Variants in KLHL33 observed in about 807,000 individuals in gnomAD.
The protein encoded by KLHL33 is kelch like family member 33, also known as kelch-like protein 33.
A neutral mutation model predicts 60.8 loss-of-function variants in KLHL33; 46 were observed. That is an observed-to-expected ratio of 0.76 (90% CI 0.60 to 0.97). The LOEUF (loss-of-function observed/expected upper bound fraction) is 0.97, where lower values mean the gene tolerates loss of function less well. Ranked by LOEUF, KLHL33 falls within the 50% of genes least tolerant of loss-of-function variation. KLHL33 has a pLI of 0.00. For synonymous variants in KLHL33, 434 were observed against 432.2 expected, an observed-to-expected ratio of 1.00 and a Z score of -0.05; for missense variants, 1,055 against 1,000.0, an observed-to-expected ratio of 1.05 and a Z score of -0.74.
chr14:20,428,873 T>TG lies in KLHL33; in HGVS notation c.2369dup (p.His791ThrfsTer23). ...TTCACCCAGCAGGTTTGGTTTGGTG[T>TG]GGGGTGGGAACCAAAGCTATGTGCT... On this transcript the variant is annotated frameshift_variant, in exon 5 of 5. Coordinates refer to ENST00000636854, the MANE Select transcript of KLHL33 (RefSeq NM_001365790.2). LOFTEE classifies it high-confidence loss of function. 6 of 1,551,284 alleles carry TG rather than the reference T, an allele frequency of 3.9e-6. No individual in the cohort carries two copies. Among genetic ancestry groups the TG allele is most frequent in the Non-Finnish European group, 5.2e-6 (6 of 1,146,680 alleles).
chr14:20,429,701 G>C (rs748931606), intron 3 of KLHL33, 32 bp from the exon 4 acceptor site: 1 of 1,544,458 alleles, frequency 6.5e-7, no homozygotes, highest in Non-Finnish European at 8.7e-7. Flanking sequence ...ATTGGAAGAG[G>C]GACTCTGGGC....
In KLHL33 at chr14:20,429,369, G is replaced by T. The variant is rs986934296; in HGVS notation, c.1874C>A (p.Ala625Asp). 5.2e-6 allele frequency: 8 copies of T among 1,551,718 alleles called. No homozygotes were observed. Among genetic ancestry groups the T allele is most frequent in the Non-Finnish European group, 7.0e-6 (8 of 1,147,006 alleles). The change falls in exon 5 of 5, where the codon GCC (alanine) becomes GAC (aspartate). Residue 625 changes from alanine to aspartate, a missense_variant. Physicochemically the swap from Ala to Asp is moderately radical, Grantham distance 126. Transcript: ENST00000636854. ...GCCCTCCAAAATCGCAGCTGCGTGG[G>T]CAAAACATGGTGCTGGAAGTGCAGG... ...PAPALPAPCF[A>D]HAAAILEGQL...
chr14:20,429,742 T>C (rs2139265285), intron 3 of KLHL33, 53 bp downstream of exon 3: 1 of 1,526,376 alleles, frequency 6.6e-7, no homozygotes, highest in East Asian at 2.5e-5. Context: ...GCAATTTCTC[T>C]CCCTGCCCAC....
In KLHL33 at chr14:20,426,560, A is replaced by AG. The variant is rs1880278449; in HGVS notation, c.*2288dup. On this transcript the variant is annotated 3_prime_UTR_variant, in exon 5 of 5. Coordinates refer to ENST00000636854, the MANE Select transcript of KLHL33 (RefSeq NM_001365790.2). Reference sequence around the variant, plus strand: ...GGTGCTGGAGAGGATGTGGAGAAATAGGAACACTTTTACACTGTTGGTGGG... The same window carrying AG: ...GGTGCTGGAGAGGATGTGGAGAAATAGGGAACACTTTTACACTGTTGGTGGG... 1 of 151,662 alleles carries AG rather than the reference A, an allele frequency of 6.6e-6. No homozygotes were observed. The highest frequency in any genetic ancestry group is 2.4e-5 in the African/African-American group (1 of 41,274). The allele number at this position is 151,662 out of a possible 1,614,324, so 9.4% of individuals were successfully genotyped here. A position where few individuals can be genotyped will look rare whatever the true frequency, so the allele number is the denominator to read the frequency against.
chr14:20,435,772 C>G lies in KLHL33; in HGVS notation c.40G>C (p.Glu14Gln). 3 of 1,234,460 alleles carry G rather than the reference C, an allele frequency of 2.4e-6. No homozygotes were observed. The highest frequency in any genetic ancestry group is 3.0e-6 in the Non-Finnish European group (3 of 988,268). The allele number at this position is 1,234,460 out of a possible 1,614,324, so 76.5% of individuals were successfully genotyped here. Residue 14 changes from glutamate to glutamine, a missense_variant, in exon 2 of 5, where the codon GAG (glutamate) becomes CAG (glutamine). Physicochemically the swap from Glu to Gln is conservative, Grantham distance 29 (BLOSUM62 2). Transcript: ENST00000636854. ...CTCTGGACGGGATGAGAGACACTCT[C>G]CAGCTCAGGGGGATAATGTGGGGTG... ...SDTPHYPPEL[E>Q]SVSHPVQRDC...
At chr14:20,430,825 T>TCTAAGTTTGGCCCC in intron 2 of KLHL33, 106 bp from the exon 3 acceptor site, 1 of 634,616 alleles carries the variant, frequency 1.6e-6, no homozygotes, top group Non-Finnish European at 2.5e-6. Flanking sequence ...AGTTTGGCCC[T>TCTAAGTTTGGCCCC]CCAAGCCACC....
chr14:20,429,520 G>GGTTGTA lies in KLHL33; in HGVS notation c.1822_1823insTACAAC (p.Asn607_Pro608insLeuGln). On this transcript the variant is annotated inframe_insertion, in exon 4 of 5. Coordinates refer to ENST00000636854, the MANE Select transcript of KLHL33 (RefSeq NM_001365790.2). Reference sequence around the variant, plus strand: ...TGCTTACCTCCAGACATTGAGCTCAGGGTTGTAGGTCTCCACAGAGTCCAG... The same window carrying GGTTGTA: ...TGCTTACCTCCAGACATTGAGCTCAGGTTGTAGGTTGTAGGTCTCCACAGAGTCCAG... The GGTTGTA allele has an allele frequency of 6.4e-7, 1 of 1,552,248 alleles. No homozygotes were observed. Among genetic ancestry groups the GGTTGTA allele is most frequent in the Non-Finnish European group, 8.7e-7 (1 of 1,147,124 alleles).
chr14:20,432,926 A>AAAAGAAGAAAGAAAGAAAGAAAG (rs1555330503), intron 2 of KLHL33, among the ~76,000 whole-genome samples: 4 of 104,672 alleles, frequency 3.8e-5, no homozygotes, highest in Admixed American at 1.2e-4. Context: ...CATCTCAAAA[A>AAAAGAAGAAAGAAAGAAAGAAAG]AAAGAAAGAA....
intron 3 of KLHL33, 54 bp from the exon 4 acceptor site, chr14:20,429,723 GC>G: frequency 6.5e-7 from 1 of 1,532,564 alleles, no homozygotes; most frequent in South Asian, 1.2e-5. Context: ...TCCGTGGTTG[GC>G]TAGGCCAGCA....
Position 20,430,482 on chromosome 14 carries a change from C to G in KLHL33, c.986G>C (p.Gly329Ala). The G allele has an allele frequency of 1.9e-6, 3 of 1,550,872 alleles. No homozygotes were observed. Among genetic ancestry groups the G allele is most frequent in the Non-Finnish European group, 8.7e-7 (1 of 1,147,018 alleles). The change falls in exon 3 of 5, where the codon GGC (glycine) becomes GCC (alanine). Residue 329 changes from glycine (G) to alanine (A), a missense_variant. By Grantham distance (60) the Gly-to-Ala change is moderately conservative. Transcript: ENST00000636854. ...SSSCLDLCQK[G>A]LARGLSPARC... Reference sequence around the variant, plus strand: ...GGCAGGGCTGAGGCCCCGTGCCAAGCCTTTCTGACACAAATCCAAGCAGGA... The same window carrying G: ...GGCAGGGCTGAGGCCCCGTGCCAAGGCTTTCTGACACAAATCCAAGCAGGA...
At chr14:20,429,449 TCC>T in intron 4 of KLHL33, 48 bp from the exon 5 acceptor site, 1 of 1,549,898 alleles carries the variant, frequency 6.5e-7, no homozygotes, top group South Asian at 1.2e-5. Context: ...TCTTCAACTC[TCC>T]TTCTATTCCA....
At chr14:20,432,326 TA>T (rs1425156558) in intron 2 of KLHL33, among the ~76,000 whole-genome samples, 1 of 152,054 alleles carries the variant, frequency 6.6e-6, no homozygotes, top group East Asian at 1.9e-4. Flanking sequence ...TTGGACAGGC[TA>T]ACCTTGAACT....
chr14:20,430,756 G>A, intron 2 of KLHL33, 37 bp from the exon 3 acceptor site: 1 of 1,423,838 alleles, frequency 7.0e-7, no homozygotes, highest in Non-Finnish European at 9.3e-7. Context: ...AGGACTCAAA[G>A]TATTGCAAGA....
rs974517610 is a variant in KLHL33, at chr14:20,429,347, C to T, written c.1896G>A (p.Glu632=). 2 of 1,551,630 alleles carry T rather than the reference C, an allele frequency of 1.3e-6. No individual in the cohort carries two copies. The highest frequency in any genetic ancestry group is 2.7e-5 in the African/African-American group (2 of 73,044). The change falls in exon 5 of 5, where the codon GAG becomes GAA. Residue 632 remains glutamate (E), a synonymous_variant. Coordinates refer to ENST00000636854, the MANE Select transcript of KLHL33 (RefSeq NM_001365790.2). The part of the protein sequence containing the change: ...PCFAHAAAIL[E]GQLYVSGGCG... ...AGCCACCGCTCACGTACAACTGGCC[C>T]TCCAAAATCGCAGCTGCGTGGGCAA...
In KLHL33 at chr14:20,435,498, C is replaced by T. The variant is rs985269743; in HGVS notation, c.314G>A (p.Arg105Gln). The part of the protein sequence containing the change: ...HPSQFFAEAQ[R>Q]LREQRLLLDE... ...CAGCAACAGTCTCTGCTCCCGCAGC[C>T]GCTGGGCCTCGGCGAAAAACTGGCT... is the stretch of plus-strand genomic sequence containing the variant. The change falls in exon 2 of 5, where the codon CGG (arginine) becomes CAG (glutamine). Residue 105 changes from arginine to glutamine, a missense_variant. Arg to Gln is a conservative substitution (Grantham distance 43, BLOSUM62 1). Transcript: ENST00000636854. 2 of 1,234,668 alleles carry T rather than the reference C, an allele frequency of 1.6e-6. No individual in the cohort carries two copies. 76.5% of individuals were successfully genotyped at this position (1,234,668 alleles called of 1,614,324 possible). A position where few individuals can be genotyped will look rare whatever the true frequency, so the allele number is the denominator to read the frequency against.
chr14:20,430,807 AAACTCTAAG>A, intron 2 of KLHL33, 88 bp from the exon 3 acceptor site: 1 of 811,190 alleles, frequency 1.2e-6, no homozygotes, highest in Non-Finnish European at 1.7e-6. Flanking sequence ...AAGTTTGGCC[AAACTCTAAG>A]TTTGGCCCTC....
chr14:20,426,618 G>A lies in KLHL33; in HGVS notation c.*2231C>T, dbSNP rs1184707559. The stretch of plus-strand genomic sequence containing the variant: ...ACTAGTTCAACCATTGTGGAAGTCA[G>A]TGTGGCGATTCCTCAGGGACCTAGA... On this transcript the variant is annotated 3_prime_UTR_variant, in exon 5 of 5. Coordinates refer to ENST00000636854, the MANE Select transcript of KLHL33 (RefSeq NM_001365790.2). The A allele has an allele frequency of 1.3e-5, 2 of 152,110 alleles. No individual in the cohort carries two copies. The highest frequency in any genetic ancestry group is 4.2e-4 in the South Asian group (2 of 4,818). 9.4% of individuals were successfully genotyped at this position (152,110 alleles called of 1,614,324 possible). A position where few individuals can be genotyped will look rare whatever the true frequency, so the allele number is the denominator to read the frequency against.
chr14:20,435,003 T>G, intron 2 of KLHL33, 61 bp downstream of exon 2: 2 of 1,211,688 alleles, frequency 1.7e-6, no homozygotes, highest in Non-Finnish European at 1.0e-6. Flanking sequence ...ACCTGCTGCT[T>G]GCACACACCA....
In KLHL33 at chr14:20,434,351, C is replaced by A. The variant is rs1041135469; in HGVS notation, c.748+713G>T. On this transcript the variant is annotated intron_variant, in intron 2 of 4. Coordinates refer to ENST00000636854, the MANE Select transcript of KLHL33 (RefSeq NM_001365790.2). Reference sequence around the variant, plus strand: ...AAGAGTTCAAGACAAGCCTGGCCAACCTGGTGAAACCCCATCTCTACTAAA... The same window carrying A: ...AAGAGTTCAAGACAAGCCTGGCCAAACTGGTGAAACCCCATCTCTACTAAA... Among the ~76,000 whole-genome samples the A allele has an allele frequency of 8.5e-5, 13 of 152,162 alleles. No individual in the cohort carries two copies. The South Asian group carries it at 2.7e-3, about 32-fold the overall frequency.
Sources: allele counts gnomAD v4.1 joint callset (sites outside exome capture counted in the v4.1 genomes callset), GRCh38; gene constraint gnomAD v4.1.1; transcripts MANE v1.5; gene names NCBI Gene and HGNC (gene_info 2026-07-23, HGNC 2026-07-21).